The following VAV2 variants were observed in gnomAD, a reference collection of about 807,000 sequenced individuals.
VAV2 encodes guanine nucleotide exchange factor VAV2.
VAV2 carries 67 observed loss-of-function variants against 132.5 expected under a neutral mutation model. The observed-to-expected ratio is 0.51, with a 90% CI of 0.42 to 0.62. The LOEUF (loss-of-function observed/expected upper bound fraction) is 0.62. VAV2 is among the 20% of genes least tolerant of loss of function. The probability of loss-of-function intolerance (pLI) is 0.00; values close to 1 mark genes in which losing one functional copy is unlikely to be tolerated. For missense variants in VAV2, 938 were observed against 1,153.6 expected, an observed-to-expected ratio of 0.81 and a Z score of 2.71; for synonymous variants, 492 against 443.5, an observed-to-expected ratio of 1.11 and a Z score of -1.37.
intron 9 of VAV2, among the ~76,000 whole-genome samples, chr9:133,805,198 C>G (rs1835085084): frequency 1.3e-5 from 2 of 152,226 alleles, no homozygotes; most frequent in South Asian, 4.1e-4. Flanking sequence ...TGCCTAGGCT[C>G]AGGGCCGCGT....
At chr9:133,983,168 C>T (rs1446612835) in intron 1 of VAV2, among the ~76,000 whole-genome samples, 2 of 152,186 alleles carry the variant, frequency 1.3e-5, no homozygotes, top group African/African-American at 4.8e-5. Flanking sequence ...ACTGGCCCCA[C>T]CAGGTTGCCA....
chr9:133,854,254 T>TGC (rs1554791404), intron 3 of VAV2, among the ~76,000 whole-genome samples: 1,835 of 131,908 alleles, frequency 0.014, 32 homozygotes, highest in African/African-American at 0.06. Flanking sequence ...TGCACTCATC[T>TGC]GCACACACAC....
intron 2 of VAV2, among the ~76,000 whole-genome samples, chr9:133,869,502 C>A (rs1469705089): frequency 6.6e-6 from 1 of 151,998 alleles, no homozygotes; most frequent in Non-Finnish European, 1.5e-5. Flanking sequence ...CCTGGCTACT[C>A]GGGAGGCTGA....
intron 2 of VAV2, among the ~76,000 whole-genome samples, chr9:133,881,941 C>T (rs1229931349): frequency 2.0e-5 from 3 of 152,158 alleles, no homozygotes; most frequent in Admixed American, 6.5e-5. Context: ...CCCAGCATGA[C>T]GCCTCCTGCT....
chr9:133,932,728 G>A (rs375465521), intron 2 of VAV2, among the ~76,000 whole-genome samples: 2,920 of 150,514 alleles, frequency 0.019, 100 homozygotes, highest in African/African-American at 0.067. Context: ...GCTCTCACCC[G>A]CCTGCCTCCT....
chr9:133,931,119 C>T (rs1840672623), intron 2 of VAV2, among the ~76,000 whole-genome samples: 1 of 152,178 alleles, frequency 6.6e-6, no homozygotes, highest in African/African-American at 2.4e-5. Flanking sequence ...GTGGCCTGGG[C>T]TGGGACACCA....
chr9:133,927,959 A>T (rs1269918748), intron 2 of VAV2: 3 of 152,058 alleles, frequency 2.0e-5, no homozygotes, highest in Non-Finnish European at 4.4e-5. Context: ...CAGCCACCTC[A>T]CATGAAGCAC....
chr9:133,965,259 G>A (rs1001081852), intron 1 of VAV2, among the ~76,000 whole-genome samples: 1 of 151,952 alleles, frequency 6.6e-6, no homozygotes, highest in Non-Finnish European at 1.5e-5. Flanking sequence ...AGGCCAAGGT[G>A]GGCAGATCAC....
intron 18 of VAV2, 111 bp downstream of exon 18, chr9:133,784,206 C>T (rs572474310): frequency 3.0e-5 from 36 of 1,216,174 alleles, no homozygotes; most frequent in Non-Finnish European, 3.7e-5. Flanking sequence ...ACTCCCTTAA[C>T]CCCTCAGGGC....
chr9:133,842,458 C>T (rs1284679786), intron 3 of VAV2, among the ~76,000 whole-genome samples: 1 of 152,248 alleles, frequency 6.6e-6, no homozygotes, highest in Admixed American at 6.5e-5. Flanking sequence ...CCTCTGAGGC[C>T]AGGTGCGGCC....
chr9:133,978,809 G>A (rs1485615049), intron 1 of VAV2, among the ~76,000 whole-genome samples: 2 of 152,368 alleles, frequency 1.3e-5, no homozygotes, highest in African/African-American at 4.8e-5. Flanking sequence ...TCCTGTATTT[G>A]TCATTCTTGT....
At chr9:133,811,716 G>A (rs993637897) in intron 5 of VAV2, among the ~76,000 whole-genome samples, 1 of 152,222 alleles carries the variant, frequency 6.6e-6, no homozygotes, top group Non-Finnish European at 1.5e-5. Context: ...GGAAAATGAC[G>A]CGTGCTGTTA....
At chr9:133,889,101 G>A (rs749374114) in intron 2 of VAV2, among the ~76,000 whole-genome samples, 1 of 152,142 alleles carries the variant, frequency 6.6e-6, no homozygotes, top group African/African-American at 2.4e-5. Flanking sequence ...GAGCTGAAAG[G>A]GGTCTCAGTG....
chr9:133,907,009 G>A (rs374389980), intron 2 of VAV2, among the ~76,000 whole-genome samples: 4 of 152,182 alleles, frequency 2.6e-5, no homozygotes, highest in East Asian at 1.9e-4. Context: ...TATGCTGCTC[G>A]GCCCCCTCAG....
At chr9:133,892,777 A>G (rs1839030519) in intron 2 of VAV2, among the ~76,000 whole-genome samples, 1 of 152,174 alleles carries the variant, frequency 6.6e-6, no homozygotes. Context: ...GGAGGGGCGA[A>G]TCCGGGCCAG....
intron 1 of VAV2, among the ~76,000 whole-genome samples, chr9:133,967,743 C>G (rs1842191405): frequency 8.0e-6 from 1 of 125,042 alleles, no homozygotes; most frequent in Non-Finnish European, 1.7e-5. Context: ...ACCAGCCCGC[C>G]CAACGTGGTG....
intron 1 of VAV2, among the ~76,000 whole-genome samples, chr9:133,944,047 C>T (rs758941303): frequency 2.3e-4 from 35 of 152,224 alleles, no homozygotes; most frequent in Admixed American, 1.2e-3. Flanking sequence ...GTCTGAGCCA[C>T]AGGTGAGGCC....
At position 133,870,311 on chromosome 9, in the gene VAV2, G is replaced by A. The variant is rs775999387; in HGVS notation, c.322-8879C>T. Among the ~76,000 whole-genome samples, 5 of 152,146 alleles carry A rather than the reference G, an allele frequency of 3.3e-5. No homozygotes were observed. In the East Asian group the frequency reaches 7.7e-4, roughly 23 times the overall value. On this transcript the variant is annotated intron_variant, in intron 2 of 29. Transcript: ENST00000371850. ...CCCCCAGGCCCCAAGACAGCTGAGC[G>A]GCAAAATGAAAAATGCCACTCACTC...
intron 4 of VAV2, among the ~76,000 whole-genome samples, chr9:133,822,600 G>A (rs1190884291): frequency 1.3e-5 from 2 of 152,116 alleles, no homozygotes; most frequent in Admixed American, 1.3e-4. Flanking sequence ...CTACAGGTGG[G>A]GAAACCAGGG....
Sources: allele counts gnomAD v4.1 joint callset (sites outside exome capture counted in the v4.1 genomes callset), GRCh38; gene constraint gnomAD v4.1.1; transcripts MANE v1.5; gene names NCBI Gene and HGNC (gene_info 2026-07-23, HGNC 2026-07-21).